DOCK8: variants seen among roughly 807,000 people sequenced by gnomAD.
DOCK8 encodes the protein dedicator of cytokinesis 8, also known as dedicator of cytokinesis protein 8.
DOCK8 carries 141 observed loss-of-function variants against 245.6 expected under a neutral mutation model. The observed-to-expected ratio is 0.57, with a 90% CI of 0.50 to 0.66. The LOEUF is 0.66. DOCK8 is among the 30% of genes least tolerant of loss of function. The pLI, the probability that DOCK8 is intolerant of heterozygous loss-of-function variation, is 0.00. For missense variants in DOCK8, 2,965 were observed against 2,603.4 expected (o/e 1.14, Z -3.02); for synonymous variants, 1,168 against 970.2 (o/e 1.20, Z -3.79).
intron 6 of DOCK8, among the ~76,000 whole-genome samples, chr9:314,067 G>A (rs2050241738): frequency 6.6e-6 from 1 of 152,018 alleles, no homozygotes. Context: ...TACAAAATGG[G>A]GCCCTAACCC....
rs1491134544 is a variant in DOCK8, at chr9:400,934, T to TCA, written c.3234+1676_3234+1677insAC. Among the ~76,000 whole-genome samples the TCA allele has an allele frequency of 9.6e-3, 196 of 20,508 alleles. 21 individuals carry two copies. Among genetic ancestry groups the TCA allele is most frequent in the African/African-American group, 0.01 (11 of 1,052 alleles). 13.5% of individuals were successfully genotyped at this position (20,508 alleles called of 152,430 possible). ...CAGCTCCTTCACCATCACCACAACA[T>TCA]CCACCACCACCATCACCACCACCAC... On this transcript the variant is annotated intron_variant, in intron 26 of 47. Coordinates refer to ENST00000432829, the MANE Select transcript of DOCK8 (RefSeq NM_203447.4).
intron 1 of DOCK8, among the ~76,000 whole-genome samples, chr9:247,982 TAAA>T (rs61282524): frequency 1.4e-5 from 2 of 145,078 alleles, no homozygotes; most frequent in Non-Finnish European, 1.5e-5. Flanking sequence ...TTCTCTAAGT[TAAA>T]AAAAAAAAAA....
At chr9:283,243 C>T (rs1343142599) in intron 2 of DOCK8, among the ~76,000 whole-genome samples, 1 of 152,178 alleles carries the variant, frequency 6.6e-6, no homozygotes, top group Non-Finnish European at 1.5e-5. Context: ...GTAAAATGAG[C>T]ATACAGGCTG....
rs767011914 is a variant in DOCK8, at chr9:382,658, G to A, written c.2751G>A (p.Glu917=). 1.9e-6 allele frequency: 3 copies of A among 1,614,064 alleles called. No individual in the cohort carries two copies. The highest frequency in any genetic ancestry group is 2.7e-5 in the African/African-American group (2 of 74,918). The change falls in exon 22 of 48, where the codon GAG becomes GAA. Residue 917 remains glutamate, a synonymous_variant. Transcript: ENST00000432829. ...CGGGGACACACTCCGCAGCAGACGA[G>A]GAAGTGAAGAACATCATGTCTTCAA... ...DLAGTHSAAD[E]EVKNIMSSKI...
At chr9:359,207 C>A (rs1243340937) in intron 14 of DOCK8, among the ~76,000 whole-genome samples, 3 of 152,114 alleles carry the variant, frequency 2.0e-5, no homozygotes, top group Non-Finnish European at 4.4e-5. Flanking sequence ...GAGTAACATC[C>A]CTTTAGCCCT....
intron 14 of DOCK8, among the ~76,000 whole-genome samples, chr9:358,419 G>C (rs1291970590): frequency 1.3e-5 from 2 of 152,158 alleles, no homozygotes; most frequent in African/African-American, 4.8e-5. Context: ...AAGTGTCTAA[G>C]GCAGTTATAG....
chr9:412,044 C>T (rs2055754606), intron 28 of DOCK8, among the ~76,000 whole-genome samples: 1 of 152,098 alleles, frequency 6.6e-6, no homozygotes, highest in Admixed American at 6.6e-5. Context: ...AAAATGTCTA[C>T]CCTTGCCACT....
At chr9:271,797 C>T (rs536003631) in intron 2 of DOCK8, 68 bp downstream of exon 2, 1 of 1,065,864 alleles carries the variant, frequency 9.4e-7, no homozygotes, top group Non-Finnish European at 1.4e-6. Context: ...ATGTGTTTGC[C>T]TCCTGTTCCT....
Position 426,881 on chromosome 9 carries a change from C to T in DOCK8, c.4242-4C>T. The T allele has an allele frequency of 6.2e-7, 1 of 1,613,944 alleles. No homozygotes were observed. The highest frequency in any genetic ancestry group is 8.5e-7 in the Non-Finnish European group (1 of 1,179,928). On this transcript the variant is annotated splice_polypyrimidine_tract_variant and splice_region_variant and intron_variant, in intron 33 of 47. Coordinates refer to ENST00000432829, the MANE Select transcript of DOCK8 (RefSeq NM_203447.4). The stretch of plus-strand genomic sequence containing the variant: ...CTTTAATTTGACCTCTTGTTGTTTC[C>T]TAGAACAAAGGCCGAGTTAGATCAA...
rs2051509017 is a variant in DOCK8, at chr9:340,155, T to C, written c.1517-4T>C. The C allele has an allele frequency of 6.2e-7, 1 of 1,614,026 alleles. No individual in the cohort carries two copies. The highest frequency in any genetic ancestry group is 8.5e-7 in the Non-Finnish European group (1 of 1,179,914). On this transcript the variant is annotated splice_region_variant and splice_polypyrimidine_tract_variant and intron_variant, in intron 13 of 47. Transcript: ENST00000432829. ...ACTAGAACATTCCTATTTTCTCTCT[T>C]TAGGCTTGCTAAGACTGGAGATTTC...
At chr9:236,568 A>G (rs2047254294) in intron 1 of DOCK8, among the ~76,000 whole-genome samples, 1 of 152,202 alleles carries the variant, frequency 6.6e-6, no homozygotes. Context: ...CTATCCCACT[A>G]GTACCTGTAG....
At chr9:364,974 T>G (rs1204098749) in intron 14 of DOCK8, among the ~76,000 whole-genome samples, 2 of 151,878 alleles carry the variant, frequency 1.3e-5, no homozygotes, top group Non-Finnish European at 2.9e-5. Flanking sequence ...AGCCATTTAG[T>G]GAATGGGGAA....
rs775890867 is a variant in DOCK8 at position 443,538 on chromosome 9, C to G, written c.5580+22C>G. ...CAAGGTATACAAAAATTTACAAAAA[C>G]TAACCATCAAGCTCTAAATCCCTTC... On this transcript the variant is annotated intron_variant, in intron 43 of 47. Coordinates refer to ENST00000432829, the MANE Select transcript of DOCK8 (RefSeq NM_203447.4). 6.6e-5 allele frequency: 104 copies of G among 1,584,516 alleles called. No homozygotes were observed. The Admixed American group carries it at 8.8e-4, about 13-fold the overall frequency.
At chr9:405,100 G>T in intron 27 of DOCK8, 27 bp downstream of exon 27, 2 of 1,598,106 alleles carry the variant, frequency 1.3e-6, no homozygotes, top group African/African-American at 1.3e-5. Context: ...TTAACTAAAA[G>T]AATTATTCAA....
chr9:224,830 C>T (rs2046957393), intron 1 of DOCK8, among the ~76,000 whole-genome samples: 1 of 152,152 alleles, frequency 6.6e-6, no homozygotes, highest in Non-Finnish European at 1.5e-5. Context: ...AGTAGAAAAA[C>T]TCAGGCTCAA....
intron 1 of DOCK8, among the ~76,000 whole-genome samples, chr9:265,688 G>T (rs1311275742): frequency 2.0e-5 from 3 of 152,080 alleles, no homozygotes; most frequent in African/African-American, 7.2e-5. Flanking sequence ...GATAATGAAA[G>T]AATTTTCCTT....
chr9:438,115 C>A (rs1434133160), intron 39 of DOCK8, among the ~76,000 whole-genome samples: 1 of 152,216 alleles, frequency 6.6e-6, no homozygotes, highest in Non-Finnish European at 1.5e-5. Flanking sequence ...AACTACGTTA[C>A]AGTATTGCAT....
intron 5 of DOCK8, among the ~76,000 whole-genome samples, chr9:306,679 G>T (rs1187318232): frequency 6.6e-6 from 1 of 152,148 alleles, no homozygotes; most frequent in Non-Finnish European, 1.5e-5. Context: ...ATAGGTTGCT[G>T]GGCCCTGTCT....
intron 2 of DOCK8, among the ~76,000 whole-genome samples, chr9:275,182 T>G (rs770571108): frequency 1.3e-5 from 2 of 151,936 alleles, no homozygotes; most frequent in African/African-American, 2.4e-5. Context: ...ATATAATGGG[T>G]CCTTTGTATA....
Sources: gnomAD v4.1 joint callset for allele counts (sites outside exome capture counted in the v4.1 genomes callset) on GRCh38, gnomAD v4.1.1 for gene constraint, MANE v1.5 for transcripts, NCBI Gene and HGNC (gene_info 2026-07-23, HGNC 2026-07-21) for gene names.